CDC27: variants seen among roughly 807,000 people sequenced by gnomAD.
CDC27 encodes cell division cycle protein 27 homolog.
CDC27 carries 27 observed loss-of-function variants against 109.7 expected under a neutral mutation model. That is an observed-to-expected ratio of 0.25 (90% CI 0.18 to 0.34). The LOEUF is 0.34. CDC27 is among the 10% of genes least tolerant of loss of function. The pLI is 1.00. For missense variants in CDC27, 579 were observed against 960.2 expected (o/e 0.60, Z 5.25); for synonymous variants, 266 against 333.9 (o/e 0.80, Z 2.22).
intron 12 of CDC27, among the ~76,000 whole-genome samples, chr17:47,141,421 T>A (rs6504743): frequency 0.52 from 79,300 of 151,950 alleles, 21,280 homozygotes; most frequent in Middle Eastern, 0.63. Context: ...AAGCCTTGTA[T>A]TAAAGACATT....
chr17:47,133,543 G>A (rs187483701), intron 14 of CDC27, among the ~76,000 whole-genome samples: 10 of 148,860 alleles, frequency 6.7e-5, no homozygotes, highest in East Asian at 2.0e-4. Context: ...AGGTTCAAGC[G>A]TTTCTCCTGC....
chr17:47,120,792 G>T lies in CDC27; in HGVS notation c.*143C>A, dbSNP rs2061962906. On this transcript the variant is annotated 3_prime_UTR_variant, in exon 19 of 19. Coordinates refer to ENST00000066544, the MANE Select transcript of CDC27 (RefSeq NM_001256.6). Reference sequence around the variant, plus strand: ...TGCCTTTCATTCTGTATACAGTCAGGGTCCAATGAAAGTGGCACACTCATG... The same window carrying T: ...TGCCTTTCATTCTGTATACAGTCAGTGTCCAATGAAAGTGGCACACTCATG... The T allele has an allele frequency of 1.6e-6, 1 of 624,372 alleles. No individual in the cohort carries two copies. Among genetic ancestry groups the T allele is most frequent in the Non-Finnish European group, 2.9e-6 (1 of 343,884 alleles). 38.7% of individuals were successfully genotyped at this position (624,372 alleles called of 1,614,324 possible). A position where few individuals can be genotyped will look rare whatever the true frequency, so the allele number is the denominator to read the frequency against.
intron 15 of CDC27, among the ~76,000 whole-genome samples, chr17:47,130,911 T>C (rs558779188): frequency 2.8e-4 from 41 of 148,358 alleles, no homozygotes; most frequent in Non-Finnish European, 5.7e-4. Context: ...AAAAGTGGGG[T>C]GAATGAATGT....
At chr17:47,146,090 A>G (rs2062950979) in intron 9 of CDC27, among the ~76,000 whole-genome samples, 1 of 152,208 alleles carries the variant, frequency 6.6e-6, no homozygotes, top group Admixed American at 6.5e-5. Context: ...GTTTGTAAAC[A>G]TACTGATGCA....
Position 47,120,705 on chromosome 17 carries a change from C to T in CDC27, c.*230G>A, listed in dbSNP as rs1465032219. 4.8e-6 allele frequency: 2 copies of T among 419,422 alleles called. No homozygotes were observed. Among genetic ancestry groups the T allele is most frequent in the Non-Finnish European group, 8.5e-6 (2 of 234,262 alleles). 26.0% of individuals were successfully genotyped at this position (419,422 alleles called of 1,614,324 possible). ...AGAAAAGAAAGTTCCCCACCCTACC[C>T]CCCATAAATTGTCATTCATACTGGT... On this transcript the variant is annotated 3_prime_UTR_variant, in exon 19 of 19. Transcript: ENST00000066544.
intron 4 of CDC27, chr17:47,159,507 C>T (rs561132120): frequency 1.6e-4 from 84 of 526,316 alleles, no homozygotes; most frequent in Middle Eastern, 5.0e-4. Context: ...AGCACAGAGC[C>T]GCAGTGGCCT....
In CDC27 at chr17:47,189,283, G is replaced by C. The variant is rs1017798732; in HGVS notation, c.-111C>G. On this transcript the variant is annotated 5_prime_UTR_variant, in exon 1 of 19. Transcript: ENST00000066544. Reference sequence around the variant, plus strand: ...CACCAGCGACCGTTACCGGGGGATGGGGGAGGCCGAGCGATTGCCGAGTGC... The same window carrying C: ...CACCAGCGACCGTTACCGGGGGATGCGGGAGGCCGAGCGATTGCCGAGTGC... 2.4e-6 allele frequency: 2 copies of C among 845,236 alleles called. No individual in the cohort carries two copies. Among genetic ancestry groups the C allele is most frequent in the Non-Finnish European group, 4.0e-6 (2 of 501,466 alleles). 52.4% of individuals were successfully genotyped at this position (845,236 alleles called of 1,614,324 possible).
chr17:47,139,017 G>C lies in CDC27; in HGVS notation c.1552-126C>G, dbSNP rs563565072. On this transcript the variant is annotated intron_variant, in intron 12 of 18. Coordinates refer to ENST00000066544, the MANE Select transcript of CDC27 (RefSeq NM_001256.6). ...CTTGTATTATGGTTTTTATGTGAAT[G>C]AGTATTAACACAAGGACAAATTCAG... 62 of 607,850 alleles carry C rather than the reference G, an allele frequency of 1.0e-4. No homozygotes were observed. The African/African-American group carries it at 1.0e-3, about 10-fold the overall frequency. 37.7% of individuals were successfully genotyped at this position (607,850 alleles called of 1,614,324 possible).
chr17:47,180,163 C>T (rs1290076258), intron 2 of CDC27, among the ~76,000 whole-genome samples: 2 of 152,024 alleles, frequency 1.3e-5, no homozygotes, highest in Non-Finnish European at 2.9e-5. Flanking sequence ...AAATATGGGG[C>T]CTGCCTAGGT....
chr17:47,138,384 C>T (rs2062687882), intron 13 of CDC27, among the ~76,000 whole-genome samples: 1 of 152,176 alleles, frequency 6.6e-6, no homozygotes, highest in Non-Finnish European at 1.5e-5. Flanking sequence ...ACATTAATTG[C>T]ACCTATGTCT....
chr17:47,121,233 T>C (rs1289109648), intron 18 of CDC27, among the ~76,000 whole-genome samples: 1 of 152,128 alleles, frequency 6.6e-6, no homozygotes, highest in African/African-American at 2.4e-5. Flanking sequence ...CTTTAAGTTT[T>C]AACTACCAAA....
chr17:47,163,921 G>A (rs951377449), intron 4 of CDC27, among the ~76,000 whole-genome samples: 3 of 151,992 alleles, frequency 2.0e-5, no homozygotes, highest in East Asian at 1.9e-4. Context: ...GTGTCACCAC[G>A]CCCAGCTGAT....
chr17:47,153,957 T>C (rs971512308), intron 8 of CDC27, among the ~76,000 whole-genome samples: 1 of 151,898 alleles, frequency 6.6e-6, no homozygotes, highest in African/African-American at 2.4e-5. Flanking sequence ...GGTGTGGTGG[T>C]GTACACCTAT....
Position 47,142,368 on chromosome 17 carries a change from A to G in CDC27, c.1239T>C (p.Thr413=), listed in dbSNP as rs2062821658. The change falls in exon 11 of 19, where the codon ACT becomes ACC. Residue 413 remains threonine (T), a synonymous_variant. Coordinates refer to ENST00000066544, the MANE Select transcript of CDC27 (RefSeq NM_001256.6). ...KIPNRKTKSK[T]NKGGITQPNI... ...TAGGTTGAGTTATTCCTCCTTTATT[A>G]GTTTTACTTTTTGTTTTTCTGTTTG... 1 of 1,512,110 alleles carries G rather than the reference A, an allele frequency of 6.6e-7. No homozygotes were observed. Among genetic ancestry groups the G allele is most frequent in the Non-Finnish European group, 9.1e-7 (1 of 1,099,790 alleles). The allele number at this position is 1,512,110 out of a possible 1,614,324, so 93.7% of individuals were successfully genotyped here.
At chr17:47,156,360 G>C (rs538358528) in intron 7 of CDC27, among the ~76,000 whole-genome samples, 1 of 151,998 alleles carries the variant, frequency 6.6e-6, no homozygotes, top group Non-Finnish European at 1.5e-5. Context: ...GGATGGTCTC[G>C]ATCTCCTGAC....
chr17:47,185,912 A>C (rs1205291917), intron 1 of CDC27, among the ~76,000 whole-genome samples: 1 of 152,220 alleles, frequency 6.6e-6, no homozygotes, highest in Non-Finnish European at 1.5e-5. Flanking sequence ...AACATTTAGC[A>C]ATGTCTAGAG....
In CDC27 at chr17:47,117,744, C is replaced by G. The variant is rs1192545937; in HGVS notation, c.*3191G>C. The G allele has an allele frequency of 6.6e-6, 1 of 151,880 alleles. No homozygotes were observed. Among genetic ancestry groups the G allele is most frequent in the Non-Finnish European group, 1.5e-5 (1 of 67,976 alleles). The allele number at this position is 151,880 out of a possible 1,614,324, so 9.4% of individuals were successfully genotyped here. A position where few individuals can be genotyped will look rare whatever the true frequency, so the allele number is the denominator to read the frequency against. On this transcript the variant is annotated 3_prime_UTR_variant, in exon 19 of 19. Coordinates refer to ENST00000066544, the MANE Select transcript of CDC27 (RefSeq NM_001256.6). ...ATTTATTTTGATATTCCAAATAATA[C>G]TAAAAAAGAGTATGACCGTTTAAAA... is the stretch of plus-strand genomic sequence containing the variant.
chr17:47,156,482 C>T (rs1380376974), intron 7 of CDC27, among the ~76,000 whole-genome samples: 1 of 151,090 alleles, frequency 6.6e-6, no homozygotes, highest in Non-Finnish European at 1.5e-5. Flanking sequence ...GAGTCTTGGT[C>T]TGTCGCCCAG....
chr17:47,169,207 T>G (rs952734030), intron 4 of CDC27, among the ~76,000 whole-genome samples: 2 of 151,874 alleles, frequency 1.3e-5, no homozygotes, highest in African/African-American at 4.8e-5. Flanking sequence ...CCCAGGCTAG[T>G]CTTCAACTCC....
Sources: allele counts gnomAD v4.1 joint callset (sites outside exome capture counted in the v4.1 genomes callset), GRCh38; gene constraint gnomAD v4.1.1; transcripts MANE v1.5; gene names NCBI Gene and HGNC (gene_info 2026-07-23, HGNC 2026-07-21).